GM2A: variants seen among roughly 807,000 people sequenced by gnomAD.
GM2A encodes GM2 ganglioside activator.
GM2A carries 7 observed loss-of-function variants against 12.9 expected under a neutral mutation model. That is an observed-to-expected ratio of 0.54 (90% CI 0.31 to 1.02). The LOEUF (loss-of-function observed/expected upper bound fraction) is 1.02, where lower values mean the gene tolerates loss of function less well. GM2A is among the 50% of genes least tolerant of loss of function. The pLI is 0.05. For missense variants in GM2A, 246 were observed against 241.0 expected, an observed-to-expected ratio of 1.02 and a Z score of -0.14; for synonymous variants, 101 against 96.0, an observed-to-expected ratio of 1.05 and a Z score of -0.30.
intron 1 of GM2A, 116 bp downstream of exon 1, chr5:151,253,413 C>G: frequency 1.3e-6 from 1 of 742,352 alleles, no homozygotes; most frequent in Non-Finnish European, 2.4e-6. Flanking sequence ...GTTCTCTGCA[C>G]TAGAGCCTTC....
chr5:151,255,528 A>G (rs536161465), intron 1 of GM2A, among the ~76,000 whole-genome samples: 2 of 152,162 alleles, frequency 1.3e-5, no homozygotes, highest in African/African-American at 4.8e-5. Flanking sequence ...GTCTCAATCC[A>G]TGGATTTCCT....
chr5:151,259,976 G>A lies in GM2A; in HGVS notation c.243+60G>A, dbSNP rs142082513. 863 of 1,294,336 alleles carry A rather than the reference G, an allele frequency of 6.7e-4. 2 individuals carry two copies. In the African/African-American group the frequency reaches 0.011, roughly 17 times the overall value. The allele number at this position is 1,294,336 out of a possible 1,614,324, so 80.2% of individuals were successfully genotyped here. A position where few individuals can be genotyped will look rare whatever the true frequency, so the allele number is the denominator to read the frequency against. Reference sequence around the variant, plus strand: ...GAGGGTCTGGCCAGCAGGGGTACTGGGGCATGTATGCTTGGGGAACTGTGA... The same window carrying A: ...GAGGGTCTGGCCAGCAGGGGTACTGAGGCATGTATGCTTGGGGAACTGTGA... On this transcript the variant is annotated intron_variant, in intron 2 of 3. Coordinates refer to ENST00000357164, the MANE Select transcript of GM2A (RefSeq NM_000405.5).
rs570818011 is a variant in GM2A at position 151,267,684 on chromosome 5, TGGGCTG to T, written c.*234_*239del. ...GTTCTTGATAGCCCAGGGCATCTGC[TGGGCTG>T]ACCACGTTACTCATCCCCGTTAACA... On this transcript the variant is annotated 3_prime_UTR_variant, in exon 4 of 4. Coordinates refer to ENST00000357164, the MANE Select transcript of GM2A (RefSeq NM_000405.5). 1.3e-4 allele frequency: 184 copies of T among 1,465,206 alleles called. 1 individual carries two copies. The East Asian group carries it at 4.5e-3, about 36-fold the overall frequency. The allele number at this position is 1,465,206 out of a possible 1,614,324, so 90.8% of individuals were successfully genotyped here.
At chr5:151,253,595 G>C (rs1329264536) in intron 1 of GM2A, among the ~76,000 whole-genome samples, 1 of 151,956 alleles carries the variant, frequency 6.6e-6, no homozygotes, top group South Asian at 2.1e-4. Context: ...ATTGCCCCCA[G>C]AGATTCAGTC....
intron 1 of GM2A, among the ~76,000 whole-genome samples, chr5:151,254,424 T>C (rs564440621): frequency 1.3e-5 from 2 of 152,330 alleles, no homozygotes; most frequent in African/African-American, 4.8e-5. Flanking sequence ...TGTAGCTCAC[T>C]GCAGCCTTAA....
rs1016182603 is a variant in GM2A at position 151,260,267 on chromosome 5, G to A, written c.243+351G>A. ...TGGTTTTGTTGTTAATTATAAAATTGATATACCAATTAGCCAGTAATATAT... is the reference window on the plus strand; with the variant it reads ...TGGTTTTGTTGTTAATTATAAAATTAATATACCAATTAGCCAGTAATATAT... On this transcript the variant is annotated intron_variant, in intron 2 of 3. Coordinates refer to ENST00000357164, the MANE Select transcript of GM2A (RefSeq NM_000405.5). Among the ~76,000 whole-genome samples, 22 of 152,140 alleles carry A rather than the reference G, an allele frequency of 1.4e-4. 1 individual carries two copies. Among genetic ancestry groups the A allele is most frequent in the Admixed American group, 4.6e-4 (7 of 15,270 alleles).
chr5:151,259,071 AG>A (rs1255925636), intron 1 of GM2A, among the ~76,000 whole-genome samples: 1 of 152,124 alleles, frequency 6.6e-6, no homozygotes, highest in Non-Finnish European at 1.5e-5. Flanking sequence ...AGCTCAGCAC[AG>A]GGGTGGTGAG....
At chr5:151,263,879 C>G (rs1753839652) in intron 2 of GM2A, among the ~76,000 whole-genome samples, 1 of 152,156 alleles carries the variant, frequency 6.6e-6, no homozygotes, top group African/African-American at 2.4e-5. Context: ...TTTCTTTAAT[C>G]AAAAGTCAAA....
At chr5:151,263,556 G>A (rs1582072869) in intron 2 of GM2A, among the ~76,000 whole-genome samples, 1 of 152,176 alleles carries the variant, frequency 6.6e-6, no homozygotes. Context: ...CTAGTTGTTA[G>A]CATGGACAAG....
chr5:151,265,152 G>T (rs1753862151), intron 2 of GM2A, among the ~76,000 whole-genome samples: 1 of 152,174 alleles, frequency 6.6e-6, no homozygotes, highest in African/African-American at 2.4e-5. Flanking sequence ...GGGCTGAGAG[G>T]GTGCTGTGTG....
At chr5:151,256,539 G>A (rs1381874745) in intron 1 of GM2A, among the ~76,000 whole-genome samples, 3 of 150,732 alleles carry the variant, frequency 2.0e-5, no homozygotes, top group Admixed American at 6.6e-5. Context: ...CTAGGAGGCA[G>A]AGGTTGCAGT....
rs1017101631 is a variant in GM2A at position 151,266,890 on chromosome 5, C to T, written c.403C>T (p.Pro135Ser). 2 of 1,613,574 alleles carry T rather than the reference C, an allele frequency of 1.2e-6. No individual in the cohort carries two copies. Among genetic ancestry groups the T allele is most frequent in the Non-Finnish European group, 1.7e-6 (2 of 1,179,546 alleles). ...CPEPLRTYGL[P>S]CHCPFKEGTY... Reference sequence around the variant, plus strand: ...AGAGCCCCTGCGTACCTATGGGCTTCCTTGCCACTGTCCCTTCAAAGAAGT... The same window carrying T: ...AGAGCCCCTGCGTACCTATGGGCTTTCTTGCCACTGTCCCTTCAAAGAAGT... Residue 135 changes from proline to serine, a missense_variant, in exon 3 of 4, where the codon CCT becomes TCT. Pro to Ser is a moderately conservative substitution (Grantham distance 74). Coordinates refer to ENST00000357164, the MANE Select transcript of GM2A (RefSeq NM_000405.5).
At position 151,268,102 on chromosome 5, in the gene GM2A, A is replaced by G; in HGVS notation, c.*651A>G. 1.0e-6 allele frequency: 1 copy of G among 991,074 alleles called. No individual in the cohort carries two copies. The highest frequency in any genetic ancestry group is 1.7e-5 in the African/African-American group (1 of 57,290). 61.4% of individuals were successfully genotyped at this position (991,074 alleles called of 1,614,324 possible). A position where few individuals can be genotyped will look rare whatever the true frequency, so the allele number is the denominator to read the frequency against. On this transcript the variant is annotated 3_prime_UTR_variant, in exon 4 of 4. Coordinates refer to ENST00000357164, the MANE Select transcript of GM2A (RefSeq NM_000405.5). ...ACCCGCAGGGCCTAGCAAGAGACTTAAATGACTGATAAGAACCGTGAGAAA... is the reference window on the plus strand; with the variant it reads ...ACCCGCAGGGCCTAGCAAGAGACTTGAATGACTGATAAGAACCGTGAGAAA...
Position 151,266,903 on chromosome 5 carries a change from C to T in GM2A, c.416C>T (p.Pro139Leu). 1 of 1,613,022 alleles carries T rather than the reference C, an allele frequency of 6.2e-7. No individual in the cohort carries two copies. The highest frequency in any genetic ancestry group is 8.5e-7 in the Non-Finnish European group (1 of 1,179,120). Reference sequence around the variant, plus strand: ...ACCTATGGGCTTCCTTGCCACTGTCCCTTCAAAGAAGTAAGTACTTAGGGA... The same window carrying T: ...ACCTATGGGCTTCCTTGCCACTGTCTCTTCAAAGAAGTAAGTACTTAGGGA... ...LRTYGLPCHCPFKEGTYSLPK... is the reference protein window; with the variant it reads ...LRTYGLPCHCLFKEGTYSLPK... Residue 139 changes from proline (P) to leucine (L), a missense_variant, in exon 3 of 4, where the codon CCC becomes CTC. Coordinates refer to ENST00000357164, the MANE Select transcript of GM2A (RefSeq NM_000405.5).
chr5:151,255,567 G>T (rs73280003), intron 1 of GM2A, among the ~76,000 whole-genome samples: 5,499 of 152,160 alleles, frequency 0.036, 275 homozygotes, highest in African/African-American at 0.11. Flanking sequence ...CTGTAAGATG[G>T]GTGTGATGGT....
chr5:151,255,824 G>T (rs1467073392), intron 1 of GM2A, among the ~76,000 whole-genome samples: 1 of 152,150 alleles, frequency 6.6e-6, no homozygotes, highest in South Asian at 2.1e-4. Context: ...AGGGCTGGCC[G>T]CTATGAGGTG....
Position 151,266,726 on chromosome 5 carries a change from A to T in GM2A, c.244-5A>T. The T allele has an allele frequency of 6.2e-7, 1 of 1,610,836 alleles. No homozygotes were observed. The highest frequency in any genetic ancestry group is 8.5e-7 in the Non-Finnish European group (1 of 1,177,430). ...TCAAACCTTTGTTTTATTTTTTTTT[A>T]CCAGGTGGATTTAGTTTTGGAGAAG... On this transcript the variant is annotated splice_polypyrimidine_tract_variant and splice_region_variant and intron_variant, in intron 2 of 3. Transcript: ENST00000357164.
At chr5:151,267,140 T>C in intron 3 of GM2A, 156 bp from the exon 4 acceptor site, 3 of 974,510 alleles carry the variant, frequency 3.1e-6, no homozygotes, top group Non-Finnish European at 4.8e-6. Flanking sequence ...TAATAATCCA[T>C]GCTCTACAGT....
At position 151,268,230 on chromosome 5, in the gene GM2A, A is replaced by C; in HGVS notation, c.*779A>C. The C allele has an allele frequency of 1.6e-6, 1 of 629,702 alleles. No homozygotes were observed. Among genetic ancestry groups the C allele is most frequent in the Non-Finnish European group, 2.0e-6 (1 of 507,176 alleles). 39.0% of individuals were successfully genotyped at this position (629,702 alleles called of 1,614,324 possible). On this transcript the variant is annotated 3_prime_UTR_variant, in exon 4 of 4. Transcript: ENST00000357164. Reference sequence around the variant, plus strand: ...GAGTGCAGTGGTGCAATCTCACCTCACTGCAACCTCCGCCTCCTGGGTTCA... The same window carrying C: ...GAGTGCAGTGGTGCAATCTCACCTCCCTGCAACCTCCGCCTCCTGGGTTCA...
Sources: allele counts gnomAD v4.1 joint callset (sites outside exome capture counted in the v4.1 genomes callset), GRCh38; gene constraint gnomAD v4.1.1; transcripts MANE v1.5; gene names NCBI Gene and HGNC (gene_info 2026-07-23, HGNC 2026-07-21).